The following IVD variants were observed in gnomAD, a reference collection of about 807,000 sequenced individuals.
The protein encoded by IVD is isovaleryl-CoA dehydrogenase, mitochondrial.
In IVD, 31 loss-of-function variants were observed where a neutral mutation model predicts 51.3. The observed-to-expected ratio is 0.60, with a 90% CI of 0.45 to 0.81. IVD has a LOEUF of 0.81. IVD is among the 40% of genes least tolerant of loss of function. The pLI is 0.00. For synonymous variants in IVD, 205 were observed against 219.4 expected (o/e 0.93, Z 0.58); for missense variants, 475 against 552.0 (o/e 0.86, Z 1.40).
downstream of IVD, among the ~76,000 whole-genome samples, chr15:40,425,526 G>A (rs1892623234): frequency 6.7e-6 from 1 of 148,332 alleles, no homozygotes; most frequent in Admixed American, 6.7e-5. Flanking sequence ...TTGTTTTCTT[G>A]GTTTTTTTGT....
chr15:40,406,267 T>C (rs1319290819), intron 1 of IVD: 1 of 1,456,124 alleles, frequency 6.9e-7, no homozygotes, highest in Non-Finnish European at 9.1e-7. Context: ...GGTGTTTTGG[T>C]GGAGGATTGG....
At chr15:40,408,717 G>A (rs1362004198) in intron 3 of IVD, among the ~76,000 whole-genome samples, 3 of 152,058 alleles carry the variant, frequency 2.0e-5, no homozygotes, top group African/African-American at 4.8e-5. Context: ...TTGGGAGGCC[G>A]AGGCAGGTGG....
At chr15:40,415,818 T>C (rs779929033) in intron 9 of IVD, among the ~76,000 whole-genome samples, 2 of 152,222 alleles carry the variant, frequency 1.3e-5, no homozygotes, top group Non-Finnish European at 2.9e-5. Context: ...GTAATAAGCA[T>C]TGGAGTAAAT....
chr15:40,423,233 C>T (rs571947742), downstream of IVD, among the ~76,000 whole-genome samples: 1 of 152,310 alleles, frequency 6.6e-6, no homozygotes, highest in South Asian at 2.1e-4. Flanking sequence ...GCCAGTGTGC[C>T]CAGCCCTTAA....
chr15:40,428,293 C>T (rs772112972), downstream of IVD, among the ~76,000 whole-genome samples: 4 of 151,988 alleles, frequency 2.6e-5, no homozygotes, highest in Non-Finnish European at 4.4e-5. Context: ...TTCCAAGGCC[C>T]GGAGCTGGCA....
chr15:40,416,371 T>G lies in IVD; in HGVS notation c.1138+9T>G, dbSNP rs749171166. ...CGGCATTCAGTGTTTTGGTGAGTGATCCCCACTTCCCAGTCCCGGGGCTCC... is the reference window on the plus strand; with the variant it reads ...CGGCATTCAGTGTTTTGGTGAGTGAGCCCCACTTCCCAGTCCCGGGGCTCC... On this transcript the variant is annotated intron_variant, in intron 11 of 11. Transcript: ENST00000487418. 5.6e-6 allele frequency: 9 copies of G among 1,613,002 alleles called. No individual in the cohort carries two copies. The Admixed American group carries it at 8.3e-5, about 15-fold the overall frequency.
chr15:40,412,277 G>A (rs1470058790), intron 6 of IVD, among the ~76,000 whole-genome samples: 1 of 152,232 alleles, frequency 6.6e-6, no homozygotes, highest in African/African-American at 2.4e-5. Context: ...TGGGTTACAG[G>A]TGATGGTGCA....
chr15:40,420,456 G>A lies in IVD; in HGVS notation c.*2193G>A. 1 of 987,676 alleles carries A rather than the reference G, an allele frequency of 1.0e-6. No homozygotes were observed. The highest frequency in any genetic ancestry group is 1.2e-6 in the Non-Finnish European group (1 of 830,136). The allele number at this position is 987,676 out of a possible 1,614,324, so 61.2% of individuals were successfully genotyped here. ...ATATATTGTGAAACAAACCTATCTGGGGAGAAGCAATCTACTTGCCGCTGC... is the reference window on the plus strand; with the variant it reads ...ATATATTGTGAAACAAACCTATCTGAGGAGAAGCAATCTACTTGCCGCTGC... On this transcript the variant is annotated 3_prime_UTR_variant, in exon 12 of 12. Coordinates refer to ENST00000487418, the MANE Select transcript of IVD (RefSeq NM_002225.5).
downstream of IVD, among the ~76,000 whole-genome samples, chr15:40,429,180 C>A (rs1204384432): frequency 6.6e-6 from 1 of 152,184 alleles, no homozygotes; most frequent in Non-Finnish European, 1.5e-5. Context: ...CTGTGGCCCA[C>A]CACTCCATCC....
At position 40,420,613 on chromosome 15, in the gene IVD, T is replaced by C; in HGVS notation, c.*2350T>C. 6 of 987,554 alleles carry C rather than the reference T, an allele frequency of 6.1e-6. No individual in the cohort carries two copies. Among genetic ancestry groups the C allele is most frequent in the Non-Finnish European group, 7.2e-6 (6 of 830,112 alleles). 61.2% of individuals were successfully genotyped at this position (987,554 alleles called of 1,614,324 possible). On this transcript the variant is annotated 3_prime_UTR_variant, in exon 12 of 12. Coordinates refer to ENST00000487418, the MANE Select transcript of IVD (RefSeq NM_002225.5). ...TAGGAGAGAGGTCTCAGCCTCCCTT[T>C]CCCAGATCTCCCAGTGAGTTTTAAA...
At position 40,412,999 on chromosome 15, in the gene IVD, T is replaced by G; in HGVS notation, c.696T>G (p.Pro232=). The G allele has an allele frequency of 6.2e-7, 1 of 1,613,984 alleles. No individual in the cohort carries two copies. Among genetic ancestry groups the G allele is most frequent in the Non-Finnish European group, 8.5e-7 (1 of 1,179,842 alleles). The change falls in exon 7 of 12, where the codon CCT becomes CCG. Residue 232 remains proline (P), a synonymous_variant. Coordinates refer to ENST00000487418, the MANE Select transcript of IVD (RefSeq NM_002225.5). ...TTTTGTTTCCTGTAAAGGGTATGCCTGGCTTTAGCACCTCTAAGAAGCTGG... is the reference window on the plus strand; with the variant it reads ...TTTTGTTTCCTGTAAAGGGTATGCCGGGCTTTAGCACCTCTAAGAAGCTGG... ...ITAFIVEKGM[P]GFSTSKKLDK...
chr15:40,408,017 G>T, intron 3 of IVD, 27 bp downstream of exon 3: 3 of 1,608,996 alleles, frequency 1.9e-6, no homozygotes, highest in South Asian at 1.1e-5. Flanking sequence ...TCCCTAAAAA[G>T]AACTTTTCTT....
chr15:40,416,836 C>T (rs1412164508), intron 11 of IVD, among the ~76,000 whole-genome samples: 5 of 152,184 alleles, frequency 3.3e-5, no homozygotes. Context: ...TGCTAGATGC[C>T]AGGAGTTGCT....
chr15:40,407,172 C>A (rs1984793), intron 1 of IVD, among the ~76,000 whole-genome samples: 95,925 of 152,154 alleles, frequency 0.63, 31,023 homozygotes, highest in East Asian at 0.81. Flanking sequence ...CGCCAAGAGG[C>A]GTTTCTAATC....
chr15:40,409,221 G>A (rs761628506), intron 3 of IVD, among the ~76,000 whole-genome samples: 105 of 152,036 alleles, frequency 6.9e-4, no homozygotes, highest in African/African-American at 1.2e-4. Flanking sequence ...GTATTTTACG[G>A]AAGAAAGAGG....
chr15:40,406,687 T>C (rs754723119), intron 1 of IVD, among the ~76,000 whole-genome samples: 11 of 152,082 alleles, frequency 7.2e-5, no homozygotes, highest in Non-Finnish European at 1.3e-4. Context: ...CCAGAGTCCT[T>C]CCTGAGGTTT....
At chr15:40,425,981 T>C (rs1422935295), downstream of IVD, among the ~76,000 whole-genome samples, 6 of 140,584 alleles carry the variant, frequency 4.3e-5, no homozygotes, top group East Asian at 4.4e-4. Flanking sequence ...TTTTTTTTTT[T>C]CTTAAATGTT....
chr15:40,412,276 G>A (rs2141335117), intron 6 of IVD, among the ~76,000 whole-genome samples: 1 of 152,346 alleles, frequency 6.6e-6, no homozygotes, highest in South Asian at 2.1e-4. Context: ...ATGGGTTACA[G>A]GTGATGGTGC....
chr15:40,410,356 C>T (rs1890933082), intron 3 of IVD, among the ~76,000 whole-genome samples: 2 of 152,212 alleles, frequency 1.3e-5, no homozygotes, highest in African/African-American at 2.4e-5. Flanking sequence ...AGGTTGTTCA[C>T]GTATCTTCAT....
Sources: gnomAD v4.1 joint callset for allele counts (sites outside exome capture counted in the v4.1 genomes callset) on GRCh38, gnomAD v4.1.1 for gene constraint, MANE v1.5 for transcripts, NCBI Gene and HGNC (gene_info 2026-07-23, HGNC 2026-07-21) for gene names.